Variants in ZFPL1 observed in about 807,000 individuals in gnomAD.
ZFPL1 encodes zinc finger protein like 1, also known as zinc finger protein-like 1.
ZFPL1 carries 28 observed loss-of-function variants against 32.0 expected under a neutral mutation model. That is an observed-to-expected ratio of 0.87 (90% CI 0.65 to 1.20). The LOEUF is 1.20. Among genes scored for constraint, ZFPL1 ranks in the 50% most tolerant of loss-of-function variants. ZFPL1 has a pLI of 0.00. For missense variants in ZFPL1, 386 were observed against 424.8 expected, an observed-to-expected ratio of 0.91 and a Z score of 0.80; for synonymous variants, 165 against 177.0, an observed-to-expected ratio of 0.93 and a Z score of 0.54.
At position 65,088,082 on chromosome 11, in the gene ZFPL1, A is replaced by C; in HGVS notation, c.901A>C (p.Met301Leu). 1 of 1,611,532 alleles carries C rather than the reference A, an allele frequency of 6.2e-7. No homozygotes were observed. The highest frequency in any genetic ancestry group is 1.3e-5 in the African/African-American group (1 of 74,976). The change falls in exon 8 of 8, where the codon ATG becomes CTG. Residue 301 changes from methionine to leucine, a missense_variant. Transcript: ENST00000294258. ...ADSDPNLDPLMNPHIRVGPS is the reference protein window; with the variant it reads ...ADSDPNLDPLLNPHIRVGPS ...CAGCGATCCCAACCTGGACCCACTC[A>C]TGAACCCTCACATCCGCGTGGGCCC... is the stretch of plus-strand genomic sequence containing the variant.
chr11:65,088,355 A>G lies in ZFPL1; in HGVS notation c.*241A>G. The G allele has an allele frequency of 1.5e-6, 2 of 1,316,832 alleles. No homozygotes were observed. Among genetic ancestry groups the G allele is most frequent in the South Asian group, 2.5e-5 (2 of 79,666 alleles). The allele number at this position is 1,316,832 out of a possible 1,614,324, so 81.6% of individuals were successfully genotyped here. A position where few individuals can be genotyped will look rare whatever the true frequency, so the allele number is the denominator to read the frequency against. ...TCTCCAGCCTCCGACCCCTCGCCCC[A>G]TGAAGGAGCTGGCAGGTGGAAATAA... is the stretch of plus-strand genomic sequence containing the variant. On this transcript the variant is annotated 3_prime_UTR_variant, in exon 8 of 8. Coordinates refer to ENST00000294258, the MANE Select transcript of ZFPL1 (RefSeq NM_006782.4).
chr11:65,086,676 G>A lies in ZFPL1; in HGVS notation c.409-44G>A, dbSNP rs1408202415. 1.9e-6 allele frequency: 3 copies of A among 1,614,042 alleles called. No individual in the cohort carries two copies. The African/African-American group carries it at 4.0e-5, about 22-fold the overall frequency. Reference sequence around the variant, plus strand: ...CCCACCTGAGTCAGATGGGTGGGTGGGGACAATACTAGGCAGCCTGGTGAC... The same window carrying A: ...CCCACCTGAGTCAGATGGGTGGGTGAGGACAATACTAGGCAGCCTGGTGAC... On this transcript the variant is annotated intron_variant, in intron 4 of 7. Transcript: ENST00000294258.
chr11:65,085,995 G>A (rs1236084163), intron 3 of ZFPL1: 4 of 197,378 alleles, frequency 2.0e-5, no homozygotes, highest in South Asian at 7.9e-5. Flanking sequence ...TGCCACTTGT[G>A]TTTGATTATG....
In ZFPL1 at chr11:65,087,975, C is replaced by T. The variant is rs35212666; in HGVS notation, c.794C>T (p.Ala265Val). ...RKRPLTLLQR[A>V]GLLLLLGLLG... ...CGGCCGCTGACCCTGCTCCAGCGGG[C>T]GGGGCTGCTGCTACTCTTGGGACTG... The change falls in exon 8 of 8, where the codon GCG (alanine) becomes GTG (valine). Residue 265 changes from alanine to valine, a missense_variant. Coordinates refer to ENST00000294258, the MANE Select transcript of ZFPL1 (RefSeq NM_006782.4). 9.9e-4 allele frequency: 1,569 copies of T among 1,587,184 alleles called. 17 individuals carry two copies. In the African/African-American group the frequency reaches 0.019, roughly 20 times the overall value.
Position 65,087,972 on chromosome 11 carries a change from G to T in ZFPL1, c.791G>T (p.Arg264Leu), listed in dbSNP as rs140791524. ...SRKRPLTLLQ[R>L]AGLLLLLGLL... is the part of the protein sequence containing the mutation. The stretch of plus-strand genomic sequence containing the variant: ...AAGCGGCCGCTGACCCTGCTCCAGC[G>T]GGCGGGGCTGCTGCTACTCTTGGGA... Residue 264 changes from arginine (R) to leucine (L), a missense_variant, in exon 8 of 8, where the codon CGG becomes CTG. Transcript: ENST00000294258. 3 of 1,585,746 alleles carry T rather than the reference G, an allele frequency of 1.9e-6. No individual in the cohort carries two copies. In the African/African-American group the frequency reaches 4.1e-5, roughly 22 times the overall value.
chr11:65,085,870 G>T, intron 3 of ZFPL1: 1 of 198,780 alleles, frequency 5.0e-6, no homozygotes, highest in Non-Finnish European at 1.0e-5. Flanking sequence ...TATGAACACA[G>T]GTGTGTTGTG....
rs1024256583 is a variant in ZFPL1, at chr11:65,087,439, C to T, written c.746+6C>T. The T allele has an allele frequency of 6.2e-7, 1 of 1,613,268 alleles. No homozygotes were observed. The highest frequency in any genetic ancestry group is 8.5e-7 in the Non-Finnish European group (1 of 1,179,326). ...TGGCTGGCCCGGCTGCTAAGGTACACAGGGTCAGGCAGGGCGGAATGCCAG... is the reference window on the plus strand; with the variant it reads ...TGGCTGGCCCGGCTGCTAAGGTACATAGGGTCAGGCAGGGCGGAATGCCAG... On this transcript the variant is annotated splice_donor_region_variant and intron_variant, in intron 7 of 7. Transcript: ENST00000294258.
Position 65,084,818 on chromosome 11 carries a change from G to A in ZFPL1, c.102+18G>A, listed in dbSNP as rs763837850. The A allele has an allele frequency of 5.6e-6, 9 of 1,613,780 alleles. No homozygotes were observed. In the South Asian group the frequency reaches 9.9e-5, roughly 18 times the overall value. On this transcript the variant is annotated intron_variant, in intron 2 of 7. Coordinates refer to ENST00000294258, the MANE Select transcript of ZFPL1 (RefSeq NM_006782.4). Reference sequence around the variant, plus strand: ...ACGCCAAGGTGGGGCCTTCAGGGGAGCGACTGAGCAGGGCACTGGGTGGGC... The same window carrying A: ...ACGCCAAGGTGGGGCCTTCAGGGGAACGACTGAGCAGGGCACTGGGTGGGC...
At chr11:65,087,720 C>T (rs1303191154) in intron 7 of ZFPL1, 1 of 632,656 alleles carries the variant, frequency 1.6e-6, no homozygotes, top group Admixed American at 3.0e-5. Flanking sequence ...CGACGTCTGA[C>T]ACACTGTGGT....
chr11:65,084,246 T>C lies in ZFPL1; in HGVS notation c.-141T>C, dbSNP rs1256313624. 1 of 575,072 alleles carries C rather than the reference T, an allele frequency of 1.7e-6. No individual in the cohort carries two copies. The highest frequency in any genetic ancestry group is 3.2e-5 in the Admixed American group (1 of 31,108). 35.6% of individuals were successfully genotyped at this position (575,072 alleles called of 1,614,324 possible). A position where few individuals can be genotyped will look rare whatever the true frequency, so the allele number is the denominator to read the frequency against. Reference sequence around the variant, plus strand: ...AAGAGACGTGGCAGCGGAGGGATAATCGGGGCGGCCGGGGCTGAAGGGAGA... The same window carrying C: ...AAGAGACGTGGCAGCGGAGGGATAACCGGGGCGGCCGGGGCTGAAGGGAGA... On this transcript the variant is annotated 5_prime_UTR_variant, in exon 1 of 8. Coordinates refer to ENST00000294258, the MANE Select transcript of ZFPL1 (RefSeq NM_006782.4).
At chr11:65,084,577 A>G in intron 1 of ZFPL1, 114 bp from the exon 2 acceptor site, 2 of 831,130 alleles carry the variant, frequency 2.4e-6, no homozygotes, top group Non-Finnish European at 3.9e-6. Flanking sequence ...GGAATCTGAG[A>G]TCGGGGCGAA....
At chr11:65,085,493 C>T in intron 3 of ZFPL1, 1 of 511,950 alleles carries the variant, frequency 2.0e-6, no homozygotes, top group South Asian at 2.1e-5. Flanking sequence ...TCAGCGAGAA[C>T]CAGTCAAGCT....
Position 65,087,401 on chromosome 11 carries a change from G to A in ZFPL1, c.714G>A (p.Arg238=), listed in dbSNP as rs757796301. The change falls in exon 7 of 8, where the codon CGG becomes CGA. Residue 238 remains arginine, a synonymous_variant. Coordinates refer to ENST00000294258, the MANE Select transcript of ZFPL1 (RefSeq NM_006782.4). ...GDCDDDKYRR[R]PALGWLARLL... ...GTGACGATGACAAGTACCGACGTCG[G>A]CCGGCCTTGGGTTGGCTGGCCCGGC... The A allele has an allele frequency of 6.2e-7, 1 of 1,614,116 alleles. No homozygotes were observed. Among genetic ancestry groups the A allele is most frequent in the Non-Finnish European group, 8.5e-7 (1 of 1,179,990 alleles).
intron 3 of ZFPL1, 95 bp from the exon 4 acceptor site, chr11:65,086,320 A>T (rs1947678826): frequency 1.3e-6 from 2 of 1,488,128 alleles, no homozygotes; most frequent in Admixed American, 3.4e-5. Context: ...ACATGTGTCC[A>T]TATGTCCTGC....
chr11:65,086,527 C>T lies in ZFPL1; in HGVS notation c.327C>T (p.Asn109=), dbSNP rs761046970. 1.9e-6 allele frequency: 3 copies of T among 1,614,188 alleles called. No individual in the cohort carries two copies. Among genetic ancestry groups the T allele is most frequent in the South Asian group, 2.2e-5 (2 of 91,090 alleles). ...SCNGPIFPPT[N]LAGPVASALR... ...ATGGCCCCATCTTCCCCCCAACCAA[C>T]CTGGCTGGCCCCGTGGCCTCCGCAC... The change falls in exon 4 of 8, where the codon AAC becomes AAT. Residue 109 remains asparagine (N), a synonymous_variant. Transcript: ENST00000294258.
At position 65,086,521 on chromosome 11, in the gene ZFPL1, A is replaced by G. The variant is rs1477769858; in HGVS notation, c.321A>G (p.Pro107=). Residue 107 remains proline, a synonymous_variant, in exon 4 of 8, where the codon CCA becomes CCG. Coordinates refer to ENST00000294258, the MANE Select transcript of ZFPL1 (RefSeq NM_006782.4). Reference sequence around the variant, plus strand: ...GCTGCAATGGCCCCATCTTCCCCCCAACCAACCTGGCTGGCCCCGTGGCCT... The same window carrying G: ...GCTGCAATGGCCCCATCTTCCCCCCGACCAACCTGGCTGGCCCCGTGGCCT... The part of the protein sequence containing the change: ...CPSCNGPIFP[P]TNLAGPVASA... 1 of 1,613,906 alleles carries G rather than the reference A, an allele frequency of 6.2e-7. No homozygotes were observed. Among genetic ancestry groups the G allele is most frequent in the Admixed American group, 1.7e-5 (1 of 60,002 alleles).
Position 65,087,350 on chromosome 11 carries a change from C to G in ZFPL1, c.663C>G (p.Asp221Glu). 1.2e-6 allele frequency: 2 copies of G among 1,614,152 alleles called. No individual in the cohort carries two copies. The highest frequency in any genetic ancestry group is 1.7e-6 in the Non-Finnish European group (2 of 1,180,012). Residue 221 changes from aspartate to glutamate, a missense_variant, in exon 7 of 8, where the codon GAC becomes GAG. Transcript: ENST00000294258. ...AGGTGTATGATACGCGGGATGATGA[C>G]CGGACACCAGGCCTCCATGGAGACT... The part of the protein sequence containing the change: ...PRKVYDTRDD[D>E]RTPGLHGDCD...
Position 65,086,534 on chromosome 11 carries a change from G to A in ZFPL1, c.334G>A (p.Gly112Ser). 6.2e-7 allele frequency: 1 copy of A among 1,614,114 alleles called. No homozygotes were observed. The highest frequency in any genetic ancestry group is 1.1e-5 in the South Asian group (1 of 91,078). The change falls in exon 4 of 8, where the codon GGC becomes AGC. Residue 112 changes from glycine (G) to serine (S), a missense_variant. Coordinates refer to ENST00000294258, the MANE Select transcript of ZFPL1 (RefSeq NM_006782.4). ...CATCTTCCCCCCAACCAACCTGGCT[G>A]GCCCCGTGGCCTCCGCACTGAGAGA... is the stretch of plus-strand genomic sequence containing the variant. ...GPIFPPTNLAGPVASALREKL... is the reference protein window; with the variant it reads ...GPIFPPTNLASPVASALREKL...
rs997356031 is a variant in ZFPL1 at position 65,087,750 on chromosome 11, G to A, written c.747-178G>A. 7.9e-5 allele frequency: 53 copies of A among 672,158 alleles called. No homozygotes were observed. The African/African-American group carries it at 8.3e-4, about 11-fold the overall frequency. The allele number at this position is 672,158 out of a possible 1,614,324, so 41.6% of individuals were successfully genotyped here. A position where few individuals can be genotyped will look rare whatever the true frequency, so the allele number is the denominator to read the frequency against. On this transcript the variant is annotated intron_variant, in intron 7 of 7. Transcript: ENST00000294258. The stretch of plus-strand genomic sequence containing the variant: ...TGTGGTTTCCAGAATACAGTCGTGC[G>A]CCTCAGCTGGTTTGAGCTGCACAAT...
Sources: gnomAD v4.1 joint callset for allele counts on GRCh38, gnomAD v4.1.1 for gene constraint, MANE v1.5 for transcripts, NCBI Gene and HGNC (gene_info 2026-07-23, HGNC 2026-07-21) for gene names.